Variants in CCDC125 observed in about 807,000 individuals in gnomAD.
CCDC125 encodes coiled-coil domain containing 125.
In CCDC125, 43 loss-of-function variants were observed where a neutral mutation model predicts 57.4. The observed-to-expected ratio is 0.75, with a 90% confidence interval of 0.59 to 0.97. CCDC125 has a LOEUF of 0.97. Among genes scored for constraint, CCDC125 ranks in the 50% least tolerant of loss-of-function variants. CCDC125 has a pLI of 0.00. For missense variants in CCDC125, 563 were observed against 595.7 expected (o/e 0.95, Z 0.57); for synonymous variants, 187 against 195.2 (o/e 0.96, Z 0.35).
In CCDC125 at chr5:69,323,129, A is replaced by C. The variant is rs571417907; in HGVS notation, c.-40-2549T>G. ...CAAGACCAGTCTGGCCAATATGGTGAAACCCCATCTCTACTAAAAATACAA... is the reference window on the plus strand; with the variant it reads ...CAAGACCAGTCTGGCCAATATGGTGCAACCCCATCTCTACTAAAAATACAA... On this transcript the variant is annotated intron_variant, in intron 1 of 11. Transcript: ENST00000396496. Among the ~76,000 whole-genome samples the C allele has an allele frequency of 3.3e-5, 5 of 151,946 alleles. No individual in the cohort carries two copies. In the South Asian group the frequency reaches 1.0e-3, roughly 32 times the overall value.
At chr5:69,318,473 T>G (rs1580202652) in intron 2 of CCDC125, among the ~76,000 whole-genome samples, 1 of 150,988 alleles carries the variant, frequency 6.6e-6, no homozygotes, top group East Asian at 2.0e-4. Context: ...CCAGGCACGG[T>G]GGCTCATGCC....
In CCDC125 at chr5:69,312,932, G is replaced by C. The variant is rs1580161996; in HGVS notation, c.366+1053C>G. 2.0e-5 allele frequency among the ~76,000 whole-genome samples: 3 copies of C among 152,038 alleles called. No homozygotes were observed. The East Asian group carries it at 5.8e-4, about 29-fold the overall frequency. On this transcript the variant is annotated intron_variant, in intron 3 of 11. Transcript: ENST00000396496. ...AGCAGTGACCAGGGGAAAAGGGAGA[G>C]GAACCAGCCAGCACAGGGAGGGGTC...
At chr5:69,317,309 T>C (rs1759272413) in intron 2 of CCDC125, among the ~76,000 whole-genome samples, 1 of 152,156 alleles carries the variant, frequency 6.6e-6, no homozygotes, top group Admixed American at 6.6e-5. Flanking sequence ...GCACCTGGCA[T>C]CTTCATGTTT....
chr5:69,301,983 T>C (rs1756532950), intron 7 of CCDC125, among the ~76,000 whole-genome samples: 1 of 151,388 alleles, frequency 6.6e-6, no homozygotes, highest in South Asian at 2.1e-4. Context: ...CTTGGGAGGC[T>C]GAGGTGGGAG....
At chr5:69,324,574 C>A (rs1014832825) in intron 1 of CCDC125, among the ~76,000 whole-genome samples, 1 of 152,218 alleles carries the variant, frequency 6.6e-6, no homozygotes, top group Non-Finnish European at 1.5e-5. Flanking sequence ...AAGTGTCCAT[C>A]TGCAGTAAAA....
intron 10 of CCDC125, among the ~76,000 whole-genome samples, 195 bp downstream of exon 10, chr5:69,291,993 C>T (rs927700710): frequency 6.6e-6 from 1 of 152,098 alleles, no homozygotes; most frequent in Non-Finnish European, 1.5e-5. Context: ...TTATGGATTC[C>T]AGTAGTTCAC....
chr5:69,326,275 TAAAGTA>T (rs1760726419), intron 1 of CCDC125, among the ~76,000 whole-genome samples: 2 of 152,194 alleles, frequency 1.3e-5, no homozygotes, highest in Admixed American at 6.5e-5. Flanking sequence ...AAATAGAACT[TAAAGTA>T]AAAGTCTAAA....
In CCDC125 at chr5:69,320,406, T is replaced by C. The variant is rs1307267848; in HGVS notation, c.135A>G (p.Ser45=). The change falls in exon 2 of 12, where the codon TCA becomes TCG. Residue 45 remains serine (S), a synonymous_variant. Transcript: ENST00000396496. ...CATCTGATCTTTTTCTAGACCTATGTGAAAATTCTATTTCATAAATCCCAC... is the reference window on the plus strand; with the variant it reads ...CATCTGATCTTTTTCTAGACCTATGCGAAAATTCTATTTCATAAATCCCAC... The part of the protein sequence containing the change: ...KPGGIYEIEF[S]HRSRKRSDGK... 1 of 1,614,158 alleles carries C rather than the reference T, an allele frequency of 6.2e-7. No individual in the cohort carries two copies. Among genetic ancestry groups the C allele is most frequent in the Non-Finnish European group, 8.5e-7 (1 of 1,180,022 alleles).
intron 1 of CCDC125, among the ~76,000 whole-genome samples, chr5:69,323,457 T>G (rs1760351000): frequency 6.6e-6 from 1 of 152,168 alleles, no homozygotes; most frequent in African/African-American, 2.4e-5. Flanking sequence ...ATCACTTCAT[T>G]CCCGTGGATT....
chr5:69,275,535 A>T (rs903247542), downstream of CCDC125, among the ~76,000 whole-genome samples: 28 of 152,212 alleles, frequency 1.8e-4, no homozygotes, highest in African/African-American at 5.8e-4. Context: ...TAATCCAAAT[A>T]TCCGAAATCT....
intron 1 of CCDC125, among the ~76,000 whole-genome samples, chr5:69,331,776 C>A (rs908400464): frequency 6.6e-6 from 1 of 152,144 alleles, no homozygotes; most frequent in African/African-American, 2.4e-5. Context: ...CTTCTCAGAG[C>A]CCCCTCAGTT....
At chr5:69,303,979 G>A (rs1419047027) in intron 6 of CCDC125, 50 bp from the exon 7 acceptor site, 4 of 1,026,694 alleles carry the variant, frequency 3.9e-6, no homozygotes, top group African/African-American at 1.6e-5. Context: ...TTTCCTTGCT[G>A]AGCGAGAATA....
intron 2 of CCDC125, among the ~76,000 whole-genome samples, chr5:69,318,342 G>A (rs1377319575): frequency 6.6e-6 from 1 of 152,004 alleles, no homozygotes; most frequent in Non-Finnish European, 1.5e-5. Context: ...AGCTACTCAG[G>A]AGACTGAGGC....
At chr5:69,284,842 A>T (rs906735279) in intron 11 of CCDC125, among the ~76,000 whole-genome samples, 2 of 152,200 alleles carry the variant, frequency 1.3e-5, no homozygotes, top group Non-Finnish European at 1.5e-5. Context: ...CTGTAATCCC[A>T]GCACTTTGGG....
At chr5:69,313,905 A>C (rs1758571898) in intron 3 of CCDC125, 80 bp downstream of exon 3, 2 of 1,011,944 alleles carry the variant, frequency 2.0e-6, no homozygotes, top group Non-Finnish European at 1.6e-6. Context: ...GGGCATGGAG[A>C]GCTGCAGAAG....
intron 11 of CCDC125, among the ~76,000 whole-genome samples, chr5:69,284,620 A>G (rs1753015300): frequency 6.6e-6 from 1 of 152,204 alleles, no homozygotes; most frequent in African/African-American, 2.4e-5. Context: ...AAAGATCATG[A>G]AGGTAGAGTC....
Sources: gnomAD v4.1 joint callset for allele counts (sites outside exome capture counted in the v4.1 genomes callset) on GRCh38, gnomAD v4.1.1 for gene constraint, MANE v1.5 for transcripts, NCBI Gene and HGNC (gene_info 2026-07-23, HGNC 2026-07-21) for gene names.